Variants in EFCAB6 observed in about 807,000 individuals in gnomAD.
EFCAB6 encodes the protein EF-hand calcium-binding domain-containing protein 6.
Under a neutral mutation model 169.8 loss-of-function variants are expected in EFCAB6, and 156 were observed. The ratio of observed to expected loss-of-function variants is 0.92; its 90% CI spans 0.81 to 1.05. The LOEUF is 1.05. Ranked by LOEUF, EFCAB6 falls within the 50% of genes least tolerant of loss-of-function variation. The pLI is 0.00. For missense variants in EFCAB6, 1,800 were observed against 1,829.1 expected, an observed-to-expected ratio of 0.98 and a Z score of 0.29; for synonymous variants, 698 against 676.4, an observed-to-expected ratio of 1.03 and a Z score of -0.50.
chr22:43,745,412 A>G (rs2060524566), intron 6 of EFCAB6, among the ~76,000 whole-genome samples: 1 of 152,120 alleles, frequency 6.6e-6, no homozygotes, highest in Non-Finnish European at 1.5e-5. Context: ...ACCTTCTACA[A>G]TTTCATTCTT....
At chr22:43,729,698 AG>A (rs1037934504) in intron 8 of EFCAB6, among the ~76,000 whole-genome samples, 6 of 152,238 alleles carry the variant, frequency 3.9e-5, no homozygotes, top group African/African-American at 1.4e-4. Flanking sequence ...CAGTAAAAGG[AG>A]AGTTGAATGG....
At chr22:43,591,372 G>A (rs1215791068) in intron 23 of EFCAB6, among the ~76,000 whole-genome samples, 13 of 150,460 alleles carry the variant, frequency 8.6e-5, no homozygotes, top group African/African-American at 2.2e-4. Context: ...CAGGAGAATC[G>A]CTTCAACCCG....
chr22:43,651,628 C>T (rs1475041531), intron 17 of EFCAB6, among the ~76,000 whole-genome samples: 1 of 152,216 alleles, frequency 6.6e-6, no homozygotes, highest in Middle Eastern at 3.2e-3. Context: ...CCACTGAAAG[C>T]TTGGACCATG....
chr22:43,629,269 T>C (rs2054752250), intron 19 of EFCAB6, among the ~76,000 whole-genome samples: 2 of 152,230 alleles, frequency 1.3e-5, no homozygotes, highest in South Asian at 2.1e-4. Context: ...TGTTAGTGCG[T>C]AGTACAGAGG....
chr22:43,603,822 TG>T (rs1458324845), intron 22 of EFCAB6, among the ~76,000 whole-genome samples: 2 of 152,206 alleles, frequency 1.3e-5, no homozygotes, highest in African/African-American at 4.8e-5. Flanking sequence ...TCTTTAGAAA[TG>T]AAAGTGTCTG....
rs754347978 is a variant in EFCAB6, at chr22:43,687,631, T to C, written c.1032-50A>G. ...AACATTACTTTAAACATTTTTTCTA[T>C]AACACTGCATGGATTAGGTACTTAA... On this transcript the variant is annotated intron_variant, in intron 10 of 31. Transcript: ENST00000262726. The C allele has an allele frequency of 6.3e-5, 70 of 1,106,982 alleles. 1 individual carries two copies. The Middle Eastern group carries it at 9.8e-4, about 16-fold the overall frequency. 68.6% of individuals were successfully genotyped at this position (1,106,982 alleles called of 1,614,324 possible). A position where few individuals can be genotyped will look rare whatever the true frequency, so the allele number is the denominator to read the frequency against.
rs747763310 is a variant in EFCAB6, at chr22:43,703,033, A to G, written c.1031+8442T>C. On this transcript the variant is annotated intron_variant, in intron 10 of 31. Coordinates refer to ENST00000262726, the MANE Select transcript of EFCAB6 (RefSeq NM_022785.4). ...CAAACGTGAACTGTGCATTTCTACTAGAGTAAAGTGTCAGCTCCCATCCAT... is the reference window on the plus strand; with the variant it reads ...CAAACGTGAACTGTGCATTTCTACTGGAGTAAAGTGTCAGCTCCCATCCAT... Among the ~76,000 whole-genome samples, 45 of 152,316 alleles carry G rather than the reference A, an allele frequency of 3.0e-4. 1 individual carries two copies. In the Middle Eastern group the frequency reaches 0.014, roughly 46 times the overall value.
intron 5 of EFCAB6, chr22:43,759,770 C>T (rs989815538): frequency 6.6e-6 from 1 of 152,182 alleles, no homozygotes; most frequent in South Asian, 2.1e-4. Context: ...CAACTACTAT[C>T]GGATATTCAG....
Position 43,596,475 on chromosome 22 carries a change from T to G in EFCAB6, c.2876+3594A>C, listed in dbSNP as rs560654809. Among the ~76,000 whole-genome samples, 6 of 151,394 alleles carry G rather than the reference T, an allele frequency of 4.0e-5. No individual in the cohort carries two copies. The South Asian group carries it at 6.2e-4, about 16-fold the overall frequency. The stretch of plus-strand genomic sequence containing the variant: ...AACAGTGATCAATCCAAAAAAGAAA[T>G]AAATAAAGCAATCTCATTTACAATA... On this transcript the variant is annotated intron_variant, in intron 23 of 31. Transcript: ENST00000262726.
At chr22:43,752,153 T>C (rs149187224) in intron 6 of EFCAB6, among the ~76,000 whole-genome samples, 2,419 of 144,456 alleles carry the variant, frequency 0.017, 41 homozygotes, top group Non-Finnish European at 0.022. Flanking sequence ...AGTCTCCCTC[T>C]GTTGCCCAGG....
intron 11 of EFCAB6, among the ~76,000 whole-genome samples, chr22:43,684,426 C>T (rs1278577697): frequency 6.6e-6 from 1 of 152,150 alleles, no homozygotes; most frequent in Non-Finnish European, 1.5e-5. Context: ...GCCAGGACTA[C>T]CCCCTCTGGA....
At chr22:43,664,388 T>C (rs1877429872) in intron 17 of EFCAB6, among the ~76,000 whole-genome samples, 1 of 152,170 alleles carries the variant, frequency 6.6e-6, no homozygotes, top group Non-Finnish European at 1.5e-5. Flanking sequence ...AGAGATCAAA[T>C]GTCAACCTTT....
chr22:43,760,216 A>AG (rs1206914412), intron 5 of EFCAB6, among the ~76,000 whole-genome samples: 124 of 93,610 alleles, frequency 1.3e-3, no homozygotes, highest in African/African-American at 3.3e-3. Flanking sequence ...AAAAAAAAAA[A>AG]AAAGAAAAAA....
intron 20 of EFCAB6, among the ~76,000 whole-genome samples, chr22:43,616,728 G>T (rs2053714272): frequency 6.6e-6 from 1 of 152,134 alleles, no homozygotes; most frequent in South Asian, 2.1e-4. Context: ...CTTAAAAAAA[G>T]ACCCTTTGCT....
intron 2 of EFCAB6, among the ~76,000 whole-genome samples, chr22:43,803,181 C>T (rs1003592271): frequency 1.9e-4 from 29 of 152,166 alleles, no homozygotes; most frequent in African/African-American, 5.8e-4. Flanking sequence ...TGATTATCAG[C>T]GTGTCAGGCA....
At chr22:43,720,156 C>A (rs1386043249) in intron 8 of EFCAB6, among the ~76,000 whole-genome samples, 1 of 92,682 alleles carries the variant, frequency 1.1e-5, no homozygotes, top group East Asian at 3.7e-4. Flanking sequence ...GTCAGTTATA[C>A]CTCAATAAAG....
chr22:43,653,905 T>C (rs1176312144), intron 17 of EFCAB6, among the ~76,000 whole-genome samples: 1 of 151,854 alleles, frequency 6.6e-6, no homozygotes, highest in African/African-American at 2.4e-5. Context: ...AAAGCCAAAG[T>C]AGGTAAAGTA....
chr22:43,786,498 G>A (rs2062082047), intron 2 of EFCAB6, among the ~76,000 whole-genome samples: 1 of 152,096 alleles, frequency 6.6e-6, no homozygotes, highest in African/African-American at 2.4e-5. Flanking sequence ...AAGGCAGGCA[G>A]ATCACGAGGT....
chr22:43,643,464 T>G (rs551756588), intron 17 of EFCAB6, among the ~76,000 whole-genome samples: 1 of 152,352 alleles, frequency 6.6e-6, no homozygotes, highest in South Asian at 2.1e-4. Flanking sequence ...CGGTCACGTG[T>G]GAGCAATAAG....
Sources: allele counts gnomAD v4.1 joint callset (sites outside exome capture counted in the v4.1 genomes callset), GRCh38; gene constraint gnomAD v4.1.1; transcripts MANE v1.5; gene names NCBI Gene and HGNC (gene_info 2026-07-23, HGNC 2026-07-21).